Variants in ANKS1B observed in about 807,000 individuals in gnomAD.
ANKS1B encodes ankyrin repeat and sterile alpha motif domain-containing protein 1B.
Under a neutral mutation model 148.3 loss-of-function variants are expected in ANKS1B, and 36 were observed. That is an observed-to-expected ratio of 0.24 (90% CI 0.19 to 0.32). ANKS1B has a LOEUF of 0.32. Among genes scored for constraint, ANKS1B ranks in the 10% least tolerant of loss-of-function variants. The pLI, the probability that ANKS1B is intolerant of heterozygous loss-of-function variation, is 1.00. For missense variants in ANKS1B, 1,157 were observed against 1,542.6 expected, an observed-to-expected ratio of 0.75 and a Z score of 4.19; for synonymous variants, 542 against 560.8, an observed-to-expected ratio of 0.97 and a Z score of 0.47.
intron 12 of ANKS1B, among the ~76,000 whole-genome samples, chr12:99,287,927 C>T (rs926230419): frequency 1.3e-5 from 2 of 151,918 alleles, no homozygotes; most frequent in East Asian, 3.9e-4. Context: ...AAAATAGCTT[C>T]AAAATAGCAA....
At chr12:99,749,357 A>G (rs7485131) in intron 8 of ANKS1B, among the ~76,000 whole-genome samples, 102,099 of 151,878 alleles carry the variant, frequency 0.67, 34,414 homozygotes, top group Non-Finnish European at 0.7. Context: ...ATCCCTTGCC[A>G]CCATATGGGA....
chr12:99,507,828 A>T (rs1235027593), intron 9 of ANKS1B, among the ~76,000 whole-genome samples: 6 of 151,930 alleles, frequency 3.9e-5, no homozygotes, highest in East Asian at 1.9e-4. Context: ...TAATTTTTTT[A>T]AAAAAATGGA....
intron 12 of ANKS1B, among the ~76,000 whole-genome samples, chr12:99,327,991 A>C (rs1055383316): frequency 2.0e-5 from 3 of 151,948 alleles, no homozygotes; most frequent in Non-Finnish European, 2.9e-5. Context: ...CAGATGAATA[A>C]ATTTTTAATA....
intron 5 of ANKS1B, among the ~76,000 whole-genome samples, chr12:99,780,207 C>T (rs1335358880): frequency 1.3e-5 from 2 of 152,086 alleles, no homozygotes; most frequent in African/African-American, 4.8e-5. Context: ...AGATTAGGAA[C>T]ATTCTTGATC....
intron 9 of ANKS1B, among the ~76,000 whole-genome samples, chr12:99,636,940 T>C (rs2153412330): frequency 6.6e-6 from 1 of 152,300 alleles, no homozygotes; most frequent in South Asian, 2.1e-4. Context: ...AAAAATACAA[T>C]TGCCTCAAAA....
chr12:99,838,825 A>G (rs530034586), intron 1 of ANKS1B, among the ~76,000 whole-genome samples: 12 of 152,236 alleles, frequency 7.9e-5, no homozygotes, highest in Non-Finnish European at 1.8e-4. Context: ...AACTAATTCA[A>G]TACCACTTTA....
At chr12:99,102,055 G>T (rs542695659) in intron 15 of ANKS1B, among the ~76,000 whole-genome samples, 1 of 152,288 alleles carries the variant, frequency 6.6e-6, no homozygotes, top group East Asian at 1.9e-4. Context: ...AAGGGGAAAT[G>T]CCATGAGAGA....
chr12:98,937,580 C>G (rs753450426), intron 17 of ANKS1B, among the ~76,000 whole-genome samples: 11 of 152,098 alleles, frequency 7.2e-5, no homozygotes, highest in Non-Finnish European at 1.5e-4. Flanking sequence ...CAAGACTCAG[C>G]AAAGGAGTTA....
intron 10 of ANKS1B, among the ~76,000 whole-genome samples, chr12:99,496,965 T>C (rs1381396940): frequency 2.0e-5 from 3 of 152,154 alleles, no homozygotes; most frequent in Admixed American, 2.0e-4. Flanking sequence ...CTCCCTATTA[T>C]GTATTGAATT....
At chr12:98,785,686 T>C (rs1487254968) in intron 22 of ANKS1B, among the ~76,000 whole-genome samples, 1 of 152,086 alleles carries the variant, frequency 6.6e-6, no homozygotes, top group Non-Finnish European at 1.5e-5. Context: ...TCATCATTCT[T>C]TTCTCCTTCC....
intron 1 of ANKS1B, among the ~76,000 whole-genome samples, chr12:99,929,976 T>C (rs1294195276): frequency 1.3e-5 from 2 of 152,204 alleles, no homozygotes; most frequent in Non-Finnish European, 2.9e-5. Context: ...GACTTGGCAA[T>C]GCAGGCTCTT....
At chr12:99,044,229 A>T (rs2099960874) in intron 17 of ANKS1B, among the ~76,000 whole-genome samples, 1 of 152,024 alleles carries the variant, frequency 6.6e-6, no homozygotes, top group East Asian at 1.9e-4. Context: ...TTTTTTTAGC[A>T]ACAGGCTCTG....
At chr12:99,515,351 C>T (rs2096806794) in intron 9 of ANKS1B, among the ~76,000 whole-genome samples, 1 of 152,088 alleles carries the variant, frequency 6.6e-6, no homozygotes, top group African/African-American at 2.4e-5. Flanking sequence ...CCTCTGGAAA[C>T]CATCATCCTA....
intron 11 of ANKS1B, among the ~76,000 whole-genome samples, chr12:99,437,973 C>T (rs2095488323): frequency 6.6e-6 from 1 of 151,896 alleles, no homozygotes; most frequent in Non-Finnish European, 1.5e-5. Context: ...AAGGTCTCTG[C>T]CCTCATAATT....
At chr12:99,030,155 C>T (rs528066134) in intron 17 of ANKS1B, among the ~76,000 whole-genome samples, 19 of 152,326 alleles carry the variant, frequency 1.2e-4, no homozygotes, top group African/African-American at 4.1e-4. Flanking sequence ...CCTGGGCACA[C>T]GTCAAAGAGC....
At chr12:99,973,888 T>C (rs2095592966) in intron 1 of ANKS1B, among the ~76,000 whole-genome samples, 2 of 152,092 alleles carry the variant, frequency 1.3e-5, no homozygotes, top group Non-Finnish European at 2.9e-5. Context: ...TGCTGAAACA[T>C]CAACAAAGGA....
intron 1 of ANKS1B, among the ~76,000 whole-genome samples, chr12:99,961,615 A>C (rs1043461331): frequency 6.6e-6 from 1 of 152,182 alleles, no homozygotes; most frequent in Admixed American, 6.5e-5. Context: ...TCCCCTTTAA[A>C]GAAAAAGCAA....
At chr12:99,018,801 G>A (rs910276583) in intron 17 of ANKS1B, among the ~76,000 whole-genome samples, 1 of 152,124 alleles carries the variant, frequency 6.6e-6, no homozygotes, top group African/African-American at 2.4e-5. Flanking sequence ...AAATTAGCTG[G>A]ATGTAGTAGA....
chr12:99,963,141 G>C (rs1340132920), intron 1 of ANKS1B, among the ~76,000 whole-genome samples: 1 of 152,114 alleles, frequency 6.6e-6, no homozygotes, highest in Non-Finnish European at 1.5e-5. Flanking sequence ...CCGTGTGTTG[G>C]CCACGTAAAT....
Sources: gnomAD v4.1 joint callset for allele counts (sites outside exome capture counted in the v4.1 genomes callset) on GRCh38, gnomAD v4.1.1 for gene constraint, MANE v1.5 for transcripts, NCBI Gene and HGNC (gene_info 2026-07-23, HGNC 2026-07-21) for gene names.